The following GAPVD1 variants were observed in gnomAD, a reference collection of about 807,000 sequenced individuals.
The protein encoded by GAPVD1 is GTPase activating protein and VPS9 domains 1.
In GAPVD1, 35 loss-of-function variants were observed where a neutral mutation model predicts 155.5. The observed-to-expected ratio is 0.23, with a 90% CI of 0.17 to 0.30. The LOEUF is 0.30. GAPVD1 is among the 10% of genes least tolerant of loss of function. The pLI is 1.00. For synonymous variants in GAPVD1, 636 were observed against 619.7 expected (o/e 1.03, Z -0.39); for missense variants, 1,429 against 1,775.7 (o/e 0.80, Z 3.51).
At chr9:125,331,805 A>C in intron 13 of GAPVD1, 121 bp from the exon 14 acceptor site, 1 of 814,338 alleles carries the variant, frequency 1.2e-6, no homozygotes, top group South Asian at 1.6e-5. Context: ...CCAGACTTAC[A>C]CATGTATTTG....
intron 9 of GAPVD1, among the ~76,000 whole-genome samples, chr9:125,313,074 CCTCCCAAAGTGCTGAGATTA>C (rs1842874250): frequency 1.3e-5 from 2 of 152,098 alleles, no homozygotes. Flanking sequence ...CCTGCCTTTG[CCTCCCAAAGTGCTGAGATTA>C]CAGGTGTGAG....
chr9:125,315,040 G>T (rs1843206796), intron 9 of GAPVD1, among the ~76,000 whole-genome samples: 1 of 152,046 alleles, frequency 6.6e-6, no homozygotes, highest in African/African-American at 2.4e-5. Flanking sequence ...GCCCACCTCG[G>T]CCTCCCAAAG....
At chr9:125,293,890 A>T (rs1275934030) in intron 2 of GAPVD1, among the ~76,000 whole-genome samples, 1 of 87,522 alleles carries the variant, frequency 1.1e-5, no homozygotes, top group African/African-American at 4.2e-5. Flanking sequence ...ATATATATAT[A>T]TATATATATA....
intron 9 of GAPVD1, among the ~76,000 whole-genome samples, chr9:125,320,773 C>G (rs1844212622): frequency 6.6e-6 from 1 of 151,904 alleles, no homozygotes; most frequent in African/African-American, 2.4e-5. Flanking sequence ...CTACAGGCAC[C>G]CACCACCAAG....
At chr9:125,312,688 T>C in intron 9 of GAPVD1, 76 bp downstream of exon 9, 1 of 1,055,470 alleles carries the variant, frequency 9.5e-7, no homozygotes, top group Non-Finnish European at 1.4e-6. Context: ...ACACCAGAGG[T>C]TGGGTGGCTT....
At chr9:125,268,363 A>T (rs900371084) in intron 1 of GAPVD1, among the ~76,000 whole-genome samples, 8 of 151,996 alleles carry the variant, frequency 5.3e-5, no homozygotes, top group African/African-American at 1.9e-4. Flanking sequence ...ACACTACCTG[A>T]TCATGGCGTT....
intron 3 of GAPVD1, among the ~76,000 whole-genome samples, chr9:125,297,514 CAGAG>C (rs1840070581): frequency 6.6e-6 from 1 of 152,158 alleles, no homozygotes; most frequent in South Asian, 2.1e-4. Flanking sequence ...ACCTTCCAGA[CAGAG>C]AGGTCAGCAA....
chr9:125,299,896 G>A (rs1840493018), intron 4 of GAPVD1, among the ~76,000 whole-genome samples: 1 of 142,748 alleles, frequency 7.0e-6, no homozygotes, highest in African/African-American at 2.6e-5. Flanking sequence ...GCATACGCCT[G>A]TAATCCCAGC....
At chr9:125,290,322 C>T (rs1588678810) in intron 2 of GAPVD1, among the ~76,000 whole-genome samples, 2 of 151,886 alleles carry the variant, frequency 1.3e-5, no homozygotes, top group Admixed American at 6.6e-5. Flanking sequence ...AAAATATGAA[C>T]GTGGGGAAAG....
intron 6 of GAPVD1, among the ~76,000 whole-genome samples, chr9:125,307,014 T>G (rs1841937440): frequency 6.6e-6 from 1 of 151,974 alleles, no homozygotes; most frequent in Non-Finnish European, 1.5e-5. Flanking sequence ...ATTTGTATTT[T>G]TGGCACTTTG....
At chr9:125,304,986 G>A (rs781529830) in intron 5 of GAPVD1, 77 bp from the exon 6 acceptor site, 27 of 916,050 alleles carry the variant, frequency 2.9e-5, no homozygotes, top group Non-Finnish European at 3.8e-5. Context: ...CAGAATAGAC[G>A]TGCTTGCTTT....
In GAPVD1 at chr9:125,268,422, A is replaced by G. The variant is rs1014970151; in HGVS notation, c.-198-514A>G. The stretch of plus-strand genomic sequence containing the variant: ...TGATCTTTTGTTGGTGCAACTAACA[A>G]TACAAAAGTTGCTGCTCTGTAAATG... On this transcript the variant is annotated intron_variant, in intron 1 of 27. Coordinates refer to ENST00000297933, the MANE Select transcript of GAPVD1 (RefSeq NM_001282680.3). Among the ~76,000 whole-genome samples, 12 of 152,048 alleles carry G rather than the reference A, an allele frequency of 7.9e-5. No homozygotes were observed. The South Asian group carries it at 1.7e-3, about 21-fold the overall frequency.
At chr9:125,338,021 A>G (rs1369426305) in intron 17 of GAPVD1, among the ~76,000 whole-genome samples, 2 of 152,106 alleles carry the variant, frequency 1.3e-5, no homozygotes, top group African/African-American at 2.4e-5. Flanking sequence ...GACTACAGGC[A>G]TGCGCCACCA....
At chr9:125,263,424 G>A in intron 1 of GAPVD1, 2 of 494,276 alleles carry the variant, frequency 4.0e-6, no homozygotes, top group Non-Finnish European at 7.4e-6. Context: ...ACTCCAGCCT[G>A]GCAACAGAGC....
Position 125,350,786 on chromosome 9 carries a change from T to C in GAPVD1, c.3483T>C (p.Ala1161=). The C allele has an allele frequency of 1.2e-6, 2 of 1,607,932 alleles. No individual in the cohort carries two copies. The highest frequency in any genetic ancestry group is 1.7e-6 in the Non-Finnish European group (2 of 1,174,336). ...AINLQDKNLM[A]QLQETMRCVC... is the part of the protein sequence containing the mutation. ...ATTTACAAGATAAGAATCTAATGGCTCAACTTCAAGAAACAATGCGCTGTG... is the reference window on the plus strand; with the variant it reads ...ATTTACAAGATAAGAATCTAATGGCCCAACTTCAAGAAACAATGCGCTGTG... The change falls in exon 23 of 28, where the codon GCT becomes GCC. Residue 1161 remains alanine, a synonymous_variant. Coordinates refer to ENST00000297933, the MANE Select transcript of GAPVD1 (RefSeq NM_001282680.3).
intron 11 of GAPVD1, among the ~76,000 whole-genome samples, chr9:125,325,274 G>A (rs188245330): frequency 6.6e-6 from 1 of 150,924 alleles, no homozygotes; most frequent in African/African-American, 2.4e-5. Flanking sequence ...GTAATCCCTA[G>A]CACTTTGGGA....
At chr9:125,340,543 A>G (rs910840437) in intron 17 of GAPVD1, among the ~76,000 whole-genome samples, 1 of 152,176 alleles carries the variant, frequency 6.6e-6, no homozygotes, top group South Asian at 2.1e-4. Context: ...AAATGAGATT[A>G]TACATATCCT....
chr9:125,345,895 A>G (rs528741945), intron 19 of GAPVD1: 33 of 152,236 alleles, frequency 2.2e-4, no homozygotes, highest in African/African-American at 7.5e-4. Flanking sequence ...ATATATATAT[A>G]TAAAATCTAG....
At chr9:125,263,561 G>A in intron 1 of GAPVD1, 1 of 1,165,816 alleles carries the variant, frequency 8.6e-7, no homozygotes, top group Non-Finnish European at 1.2e-6. Context: ...TTTATTCAAT[G>A]CAAAAGAATC....
Sources: gnomAD v4.1 joint callset for allele counts (sites outside exome capture counted in the v4.1 genomes callset) on GRCh38, gnomAD v4.1.1 for gene constraint, MANE v1.5 for transcripts, NCBI Gene and HGNC (gene_info 2026-07-23, HGNC 2026-07-21) for gene names.